Variants in GLRA3 observed in about 807,000 individuals in gnomAD.
GLRA3 encodes glycine receptor subunit alpha-3.
GLRA3 carries 44 observed loss-of-function variants against 60.4 expected under a neutral mutation model. The ratio of observed to expected loss-of-function variants is 0.73; its 90% CI spans 0.57 to 0.94. The LOEUF (loss-of-function observed/expected upper bound fraction) is 0.94, where lower values mean the gene tolerates loss of function less well. GLRA3 is among the 40% of genes least tolerant of loss of function. The probability of loss-of-function intolerance (pLI) is 0.00; values close to 1 mark genes in which losing one functional copy is unlikely to be tolerated. For missense variants in GLRA3, 508 were observed against 564.6 expected, an observed-to-expected ratio of 0.90 and a Z score of 1.02; for synonymous variants, 223 against 192.9, an observed-to-expected ratio of 1.16 and a Z score of -1.29.
At chr4:174,780,261 GC>G (rs1466657351) in intron 2 of GLRA3, among the ~76,000 whole-genome samples, 1 of 145,660 alleles carries the variant, frequency 6.9e-6, no homozygotes, top group Non-Finnish European at 1.5e-5. Context: ...ACAAGCAAAT[GC>G]TGAGAGATTT....
In GLRA3 at chr4:174,761,866, T is replaced by C. The variant is rs115167769; in HGVS notation, c.267+5097A>G. On this transcript the variant is annotated intron_variant, in intron 3 of 9. Transcript: ENST00000274093. The stretch of plus-strand genomic sequence containing the variant: ...TACTTCACTCCTATAATTTGTGCAC[T>C]TTTTTGCATATGTATTGAATAAAAA... Among the ~76,000 whole-genome samples, 432 of 152,262 alleles carry C rather than the reference T, an allele frequency of 2.8e-3. 3 individuals carry two copies. Among genetic ancestry groups the C allele is most frequent in the African/African-American group, 9.9e-3 (413 of 41,548 alleles).
At chr4:174,737,536 G>GAT (rs2111160881) in intron 3 of GLRA3, among the ~76,000 whole-genome samples, 1 of 40,366 alleles carries the variant, frequency 2.5e-5, no homozygotes, top group Admixed American at 2.1e-4. Context: ...TTGTTGTTGA[G>GAT]ACAGTCTCTC....
chr4:174,771,830 T>C (rs1738403439), intron 2 of GLRA3, among the ~76,000 whole-genome samples: 1 of 152,182 alleles, frequency 6.6e-6, no homozygotes, highest in African/African-American at 2.4e-5. Context: ...ACATTTTGTC[T>C]CGTCTTTTAA....
chr4:174,739,628 GA>G (rs1463251682), intron 3 of GLRA3, among the ~76,000 whole-genome samples: 1 of 152,200 alleles, frequency 6.6e-6, no homozygotes, highest in African/African-American at 2.4e-5. Flanking sequence ...AATGTTAAGA[GA>G]ATTAGACTAG....
chr4:174,743,617 G>A (rs183885388), intron 3 of GLRA3, among the ~76,000 whole-genome samples: 32 of 152,252 alleles, frequency 2.1e-4, no homozygotes, highest in Non-Finnish European at 4.3e-4. Flanking sequence ...CATGGGTGAT[G>A]TTTAGCTTGG....
At chr4:174,773,584 A>C (rs547396989) in intron 2 of GLRA3, among the ~76,000 whole-genome samples, 3 of 152,212 alleles carry the variant, frequency 2.0e-5, no homozygotes, top group Non-Finnish European at 2.9e-5. Flanking sequence ...TAAATTTCAA[A>C]ATAATTCCAA....
intron 3 of GLRA3, among the ~76,000 whole-genome samples, chr4:174,729,604 T>C (rs1736477112): frequency 6.6e-6 from 1 of 152,242 alleles, no homozygotes. Context: ...ATGACAAATG[T>C]TGACAGCTGA....
At chr4:174,803,690 C>T (rs567335416) in intron 1 of GLRA3, among the ~76,000 whole-genome samples, 26 of 152,248 alleles carry the variant, frequency 1.7e-4, no homozygotes, top group South Asian at 1.7e-3. Flanking sequence ...ATGACTCTTT[C>T]GGTCAGGGAT....
intron 9 of GLRA3, among the ~76,000 whole-genome samples, chr4:174,655,574 T>C (rs1733164750): frequency 1.3e-5 from 2 of 152,130 alleles, no homozygotes; most frequent in Admixed American, 1.3e-4. Context: ...ATTATGTTGG[T>C]CTCCCAGAGA....
intron 3 of GLRA3, among the ~76,000 whole-genome samples, chr4:174,765,321 G>A (rs993499148): frequency 7.9e-5 from 12 of 151,994 alleles, no homozygotes; most frequent in Non-Finnish European, 1.8e-4. Flanking sequence ...AAGTCTTAAT[G>A]GGAAGGAAAT....
chr4:174,682,551 T>C (rs1251539748), intron 6 of GLRA3, among the ~76,000 whole-genome samples: 2 of 152,212 alleles, frequency 1.3e-5, no homozygotes, highest in Admixed American at 6.6e-5. Context: ...TACTATGTAA[T>C]TATGAGCTTT....
intron 3 of GLRA3, among the ~76,000 whole-genome samples, chr4:174,746,170 A>G (rs1737238274): frequency 6.6e-6 from 1 of 152,198 alleles, no homozygotes; most frequent in Non-Finnish European, 1.5e-5. Flanking sequence ...ATAATTCAGT[A>G]TATCAAGGGG....
chr4:174,709,413 T>A (rs1053155831), intron 5 of GLRA3, among the ~76,000 whole-genome samples: 1 of 152,050 alleles, frequency 6.6e-6, no homozygotes, highest in Non-Finnish European at 1.5e-5. Context: ...TAATAAAATA[T>A]GAATTTTGAG....
intron 3 of GLRA3, among the ~76,000 whole-genome samples, chr4:174,739,997 C>T (rs1010191938): frequency 9.2e-5 from 14 of 152,134 alleles, no homozygotes; most frequent in African/African-American, 2.9e-4. Flanking sequence ...TATTCTGTAT[C>T]GCCTCTGTAG....
chr4:174,678,322 C>G (rs1734206877), intron 6 of GLRA3, among the ~76,000 whole-genome samples: 1 of 152,170 alleles, frequency 6.6e-6, no homozygotes, highest in African/African-American at 2.4e-5. Context: ...ATTTATACTA[C>G]TCTATGTTAT....
intron 1 of GLRA3, among the ~76,000 whole-genome samples, chr4:174,809,338 CA>C (rs957457766): frequency 3.9e-5 from 6 of 152,230 alleles, no homozygotes; most frequent in Non-Finnish European, 7.4e-5. Context: ...GATGTTCATA[CA>C]ATAACTGTAT....
At chr4:174,774,769 A>G (rs936201394) in intron 2 of GLRA3, among the ~76,000 whole-genome samples, 1 of 152,228 alleles carries the variant, frequency 6.6e-6, no homozygotes, top group African/African-American at 2.4e-5. Flanking sequence ...CTTTTATAAT[A>G]AATTATCAGA....
intron 5 of GLRA3, among the ~76,000 whole-genome samples, chr4:174,691,464 C>T (rs1021477284): frequency 2.0e-4 from 31 of 152,176 alleles, no homozygotes; most frequent in African/African-American, 7.5e-4. Flanking sequence ...GTACTGCTGC[C>T]ATCTCGGCTC....
chr4:174,801,710 A>C (rs1185901971), intron 1 of GLRA3, among the ~76,000 whole-genome samples: 1 of 151,958 alleles, frequency 6.6e-6, no homozygotes, highest in Non-Finnish European at 1.5e-5. Flanking sequence ...GCCTTTGCCT[A>C]AAGTGCTCAT....
Sources: allele counts gnomAD v4.1 joint callset (sites outside exome capture counted in the v4.1 genomes callset), GRCh38; gene constraint gnomAD v4.1.1; transcripts MANE v1.5; gene names NCBI Gene and HGNC (gene_info 2026-07-23, HGNC 2026-07-21).